Variants in FOXP1 observed in about 807,000 individuals in gnomAD.
The protein encoded by FOXP1 is forkhead box protein P1.
A neutral mutation model predicts 98.2 loss-of-function variants in FOXP1; 15 were observed. That is an observed-to-expected ratio of 0.15 (90% CI 0.10 to 0.24). FOXP1 has a LOEUF of 0.24. Among genes scored for constraint, FOXP1 ranks in the 10% least tolerant of loss-of-function variants. FOXP1 has a pLI of 1.00. For missense variants in FOXP1, 633 were observed against 848.5 expected (o/e 0.75, Z 3.15); for synonymous variants, 371 against 314.5 (o/e 1.18, Z -1.90).
At chr3:71,560,747 G>A (rs985090857) in intron 2 of FOXP1, among the ~76,000 whole-genome samples, 2 of 152,154 alleles carry the variant, frequency 1.3e-5, no homozygotes, top group African/African-American at 2.4e-5. Context: ...GTACTGATTC[G>A]TGTTACAACA....
At chr3:71,015,077 T>G (rs1246273524) in intron 12 of FOXP1, among the ~76,000 whole-genome samples, 2 of 151,806 alleles carry the variant, frequency 1.3e-5, no homozygotes, top group Admixed American at 1.3e-4. Context: ...ACATGGCACA[T>G]GTATACATAT....
At chr3:71,014,073 C>T (rs571590808) in intron 12 of FOXP1, among the ~76,000 whole-genome samples, 1 of 152,170 alleles carries the variant, frequency 6.6e-6, no homozygotes, top group African/African-American at 2.4e-5. Flanking sequence ...CTAGGCAATA[C>T]CATTCAGGGC....
intron 7 of FOXP1, among the ~76,000 whole-genome samples, chr3:71,064,220 G>A (rs1259839215): frequency 1.3e-5 from 2 of 152,136 alleles, no homozygotes; most frequent in South Asian, 4.1e-4. Flanking sequence ...GTGTGAACTC[G>A]TCGAATTTGA....
intron 2 of FOXP1, among the ~76,000 whole-genome samples, chr3:71,554,669 G>T (rs1397434911): frequency 1.3e-5 from 2 of 152,172 alleles, no homozygotes; most frequent in Non-Finnish European, 2.9e-5. Context: ...TACATTAAAA[G>T]TTATCAATCC....
chr3:71,040,235 T>C (rs1046518644), intron 11 of FOXP1: 1 of 152,152 alleles, frequency 6.6e-6, no homozygotes, highest in Non-Finnish European at 1.5e-5. Context: ...GAGAAATATA[T>C]GAAATTACAT....
chr3:71,403,955 TA>T (rs2082113962), intron 3 of FOXP1, among the ~76,000 whole-genome samples: 1 of 152,084 alleles, frequency 6.6e-6, no homozygotes, highest in South Asian at 2.1e-4. Flanking sequence ...GAAAAGAATG[TA>T]AAATTCCATT....
chr3:71,510,174 C>G (rs948885961), intron 2 of FOXP1, among the ~76,000 whole-genome samples: 2 of 151,322 alleles, frequency 1.3e-5, no homozygotes, highest in African/African-American at 2.4e-5. Context: ...CAGCAAGACT[C>G]TGTCTCAAAA....
In FOXP1 at chr3:70,958,673, A is replaced by G; in HGVS notation, c.*574T>C. The G allele has an allele frequency of 5.9e-6, 1 of 168,136 alleles. No homozygotes were observed. The highest frequency in any genetic ancestry group is 1.0e-4 in the East Asian group (1 of 9,716). 10.4% of individuals were successfully genotyped at this position (168,136 alleles called of 1,614,324 possible). Reference sequence around the variant, plus strand: ...AAAGCAATACATTAAAAAGTTTGGGATAATTATTTTTTAACCCCTCCCCCC... The same window carrying G: ...AAAGCAATACATTAAAAAGTTTGGGGTAATTATTTTTTAACCCCTCCCCCC... On this transcript the variant is annotated 3_prime_UTR_variant, in exon 21 of 21. Transcript: ENST00000649528.
chr3:71,244,043 A>T (rs1218350130), intron 5 of FOXP1, among the ~76,000 whole-genome samples: 2 of 152,226 alleles, frequency 1.3e-5, no homozygotes, highest in Non-Finnish European at 2.9e-5. Context: ...AAAAGAAAAG[A>T]AAAAAGTCCT....
chr3:71,389,243 G>C lies in FOXP1; in HGVS notation c.-167-29999C>G, dbSNP rs1309687485. Among the ~76,000 whole-genome samples, 8 of 57,028 alleles carry C rather than the reference G, an allele frequency of 1.4e-4. No homozygotes were observed. The East Asian group carries it at 2.2e-3, about 16-fold the overall frequency. The allele number at this position is 57,028 out of a possible 152,430, so 37.4% of individuals were successfully genotyped here. ...TATGCTATATCTGTAAGCGGCGGGG[G>C]GGGGGGGGGCCGGGGGGGGCGGGTT... On this transcript the variant is annotated intron_variant, in intron 3 of 20. Transcript: ENST00000649528.
rs149788856 is a variant in FOXP1 at position 71,317,735 on chromosome 3, C to A, written c.-72-17855G>T. Among the ~76,000 whole-genome samples, 1,092 of 152,144 alleles carry A rather than the reference C, an allele frequency of 7.2e-3. 10 individuals carry two copies. The highest frequency in any genetic ancestry group is 0.014 in the Middle Eastern group (4 of 294). On this transcript the variant is annotated intron_variant, in intron 4 of 20. Coordinates refer to ENST00000649528, the MANE Select transcript of FOXP1 (RefSeq NM_001349338.3). Reference sequence around the variant, plus strand: ...AAACTATTTTGGTACCTGTCCCCCCCACACAATTGTTATTTTCTTAAGTGT... The same window carrying A: ...AAACTATTTTGGTACCTGTCCCCCCAACACAATTGTTATTTTCTTAAGTGT...
At chr3:71,434,631 GGTGTGTGT>G (rs55643841) in intron 3 of FOXP1, among the ~76,000 whole-genome samples, 13 of 142,340 alleles carry the variant, frequency 9.1e-5, no homozygotes, top group Non-Finnish European at 9.2e-5. Context: ...GAGGGGATGG[GGTGTGTGT>G]GTGTGTGTGT....
chr3:70,974,260 T>TCTATG (rs1437745815), intron 17 of FOXP1, among the ~76,000 whole-genome samples: 4 of 152,184 alleles, frequency 2.6e-5, no homozygotes, highest in Admixed American at 6.5e-5. Flanking sequence ...AGGACAATTT[T>TCTATG]CTATGCATAT....
chr3:70,981,868 G>A (rs964819755), intron 14 of FOXP1, among the ~76,000 whole-genome samples: 4 of 152,162 alleles, frequency 2.6e-5, no homozygotes, highest in Admixed American at 6.5e-5. Context: ...AATTAAACAT[G>A]ACTAGCCCGT....
chr3:71,520,707 C>G (rs1013178413), intron 2 of FOXP1, among the ~76,000 whole-genome samples: 14 of 152,218 alleles, frequency 9.2e-5, no homozygotes, highest in Non-Finnish European at 1.8e-4. Context: ...GTATCAGAAA[C>G]CTGTCGGTCT....
chr3:71,547,356 C>T (rs1350394096), intron 2 of FOXP1, among the ~76,000 whole-genome samples: 3 of 152,210 alleles, frequency 2.0e-5, no homozygotes, highest in Non-Finnish European at 4.4e-5. Context: ...AGCAAGAACG[C>T]TCTTCTTTGA....
At position 71,572,123 on chromosome 3, in the gene FOXP1, G is replaced by C. The variant is rs902026922; in HGVS notation, c.-298+9426C>G. ...CTTTTTAACTCGCTACCCTGCATAT[G>C]TAACTGCTAAGTTCCAAGCCAAGTC... On this transcript the variant is annotated intron_variant, in intron 2 of 20. Transcript: ENST00000649528. 44 of 152,226 alleles carry C rather than the reference G, an allele frequency of 2.9e-4. 2 individuals carry two copies. The highest frequency in any genetic ancestry group is 1.5e-5 in the Non-Finnish European group (1 of 68,034). 9.4% of individuals were successfully genotyped at this position (152,226 alleles called of 1,614,324 possible).
At chr3:71,169,612 GC>G (rs897852371) in intron 6 of FOXP1, among the ~76,000 whole-genome samples, 2 of 105,140 alleles carry the variant, frequency 1.9e-5, no homozygotes, top group Non-Finnish European at 1.9e-5. Context: ...CTCCCCCACC[GC>G]CCCCCGCAAA....
At chr3:71,527,365 TC>T (rs2043475005) in intron 2 of FOXP1, among the ~76,000 whole-genome samples, 1 of 152,188 alleles carries the variant, frequency 6.6e-6, no homozygotes, top group South Asian at 2.1e-4. Context: ...TTCCAGATGC[TC>T]ACTCTCTCAC....
Sources: gnomAD v4.1 joint callset for allele counts (sites outside exome capture counted in the v4.1 genomes callset) on GRCh38, gnomAD v4.1.1 for gene constraint, MANE v1.5 for transcripts, NCBI Gene and HGNC (gene_info 2026-07-23, HGNC 2026-07-21) for gene names.